Variants in CEACAM4 observed in about 807,000 individuals in gnomAD.
CEACAM4 encodes CEA cell adhesion molecule 4.
CEACAM4 carries 30 observed loss-of-function variants against 28.7 expected under a neutral mutation model. The observed-to-expected ratio is 1.05, with a 90% CI of 0.78 to 1.42. The LOEUF (loss-of-function observed/expected upper bound fraction) is 1.42, where lower values mean the gene tolerates loss of function less well. Ranked by LOEUF, CEACAM4 falls within the 40% of genes most tolerant of loss-of-function variation. CEACAM4 has a pLI of 0.00. For missense variants in CEACAM4, 330 were observed against 308.2 expected (o/e 1.07, Z -0.53); for synonymous variants, 143 against 126.5 (o/e 1.13, Z -0.87).
chr19:41,624,316 T>A (rs935675607), intron 2 of CEACAM4, among the ~76,000 whole-genome samples: 1 of 152,116 alleles, frequency 6.6e-6, no homozygotes, highest in Non-Finnish European at 1.5e-5. Context: ...CCCTGGCTGG[T>A]GCAGGGTGTG....
chr19:41,625,396 A>G (rs926836788), intron 2 of CEACAM4, among the ~76,000 whole-genome samples: 2 of 150,716 alleles, frequency 1.3e-5, no homozygotes, highest in Admixed American at 6.6e-5. Flanking sequence ...CGCCCCCGCC[A>G]TCAGTGTCTG....
chr19:41,621,409 T>C (rs115828195), intron 3 of CEACAM4, among the ~76,000 whole-genome samples: 2,163 of 144,678 alleles, frequency 0.015, 53 homozygotes, highest in African/African-American at 0.051. Context: ...TCCAGGCAGC[T>C]GTGGCTTTGC....
At chr19:41,618,897 G>A (rs189752557), downstream of CEACAM4, 45 of 170,212 alleles carry the variant, frequency 2.6e-4, no homozygotes, top group East Asian at 6.4e-3. Context: ...GCCTCCCAGG[G>A]AAGAGAGACT....
At chr19:41,621,034 C>T (rs1555801233) in intron 3 of CEACAM4, among the ~76,000 whole-genome samples, 5 of 152,068 alleles carry the variant, frequency 3.3e-5, no homozygotes. Context: ...ATCATATTCT[C>T]CCAGAACTCA....
intron 2 of CEACAM4, among the ~76,000 whole-genome samples, chr19:41,623,632 G>A (rs1251452708): frequency 6.6e-6 from 1 of 151,682 alleles, no homozygotes; most frequent in Admixed American, 6.6e-5. Flanking sequence ...CTCTCCTTTA[G>A]GTGGGACATG....
At chr19:41,624,894 C>G (rs73931738) in intron 2 of CEACAM4, among the ~76,000 whole-genome samples, 1,566 of 152,276 alleles carry the variant, frequency 0.01, 26 homozygotes, top group African/African-American at 0.036. Context: ...TGGGAGAGCA[C>G]CCCTGGGCAT....
chr19:41,623,306 C>T (rs562750559), intron 2 of CEACAM4, among the ~76,000 whole-genome samples: 4 of 152,254 alleles, frequency 2.6e-5, no homozygotes, highest in Admixed American at 6.5e-5. Flanking sequence ...CATGAGCCAC[C>T]GCTCCTGGCC....
At chr19:41,622,859 TAGATAGATAG>T (rs2071387249) in intron 2 of CEACAM4, among the ~76,000 whole-genome samples, 7 of 147,200 alleles carry the variant, frequency 4.8e-5, no homozygotes, top group African/African-American at 1.8e-4. Context: ...TATATATAGA[TAGATAGATAG>T]ATAGATAGAT....
intron 5 of CEACAM4, among the ~76,000 whole-genome samples, chr19:41,619,949 G>C (rs1469830961): frequency 6.6e-6 from 1 of 152,172 alleles, no homozygotes; most frequent in Non-Finnish European, 1.5e-5. Flanking sequence ...GCCTCTGACT[G>C]ATGGTCCCAG....
downstream of CEACAM4, among the ~76,000 whole-genome samples, chr19:41,617,568 C>T (rs1393601273): frequency 2.0e-5 from 3 of 152,142 alleles, no homozygotes; most frequent in East Asian, 1.9e-4. Flanking sequence ...ATCCCAGGTG[C>T]GTCCAAAATA....
At chr19:41,613,457 T>A in the CEACAM4 span, among the ~76,000 whole-genome samples, 2 of 151,994 alleles carry the variant, frequency 1.3e-5, no homozygotes, top group African/African-American at 4.8e-5. Flanking sequence ...TAAAGATTTA[T>A]TACTTACAGG....
chr19:41,621,849 A>T, intron 2 of CEACAM4, 81 bp from the exon 3 acceptor site: 1 of 791,700 alleles, frequency 1.3e-6, no homozygotes, highest in Non-Finnish European at 2.2e-6. Flanking sequence ...GGGCAGGGGC[A>T]TAGTCAGGGA....
At chr19:41,623,381 G>A (rs1167768239) in intron 2 of CEACAM4, among the ~76,000 whole-genome samples, 1 of 148,524 alleles carries the variant, frequency 6.7e-6, no homozygotes, top group African/African-American at 2.5e-5. Context: ...TGCCACATCT[G>A]CATCTGGTTC....
In CEACAM4 at chr19:41,619,026, G is replaced by T. The variant is rs782331364; in HGVS notation, c.*304C>A. 8 of 405,822 alleles carry T rather than the reference G, an allele frequency of 2.0e-5. No homozygotes were observed. The highest frequency in any genetic ancestry group is 3.5e-5 in the Non-Finnish European group (8 of 229,760). The allele number at this position is 405,822 out of a possible 1,614,324, so 25.1% of individuals were successfully genotyped here. A position where few individuals can be genotyped will look rare whatever the true frequency, so the allele number is the denominator to read the frequency against. On this transcript the variant is annotated 3_prime_UTR_variant, in exon 7 of 7. Coordinates refer to ENST00000221954, the MANE Select transcript of CEACAM4 (RefSeq NM_001817.4). ...AGAAAAAGAGCCAATGAGAGGAAGG[G>T]TCCTCTTTATTCAGATCCTTTCCTG... is the stretch of plus-strand genomic sequence containing the variant.
At chr19:41,622,289 G>C (rs2071339301) in intron 2 of CEACAM4, among the ~76,000 whole-genome samples, 1 of 152,068 alleles carries the variant, frequency 6.6e-6, no homozygotes, top group Admixed American at 6.5e-5. Context: ...TGTTGTCCAG[G>C]CTGGTCTTGA....
intron 2 of CEACAM4, among the ~76,000 whole-genome samples, chr19:41,622,661 C>G (rs2071362720): frequency 6.6e-6 from 1 of 152,160 alleles, no homozygotes. Context: ...CAAATTTTTA[C>G]TGCATTGTTC....
chr19:41,616,335 G>A (rs894964077), downstream of CEACAM4, among the ~76,000 whole-genome samples: 11 of 152,152 alleles, frequency 7.2e-5, no homozygotes, highest in African/African-American at 2.7e-4. Context: ...CTCGGCCGCG[G>A]TGTGGATTCT....
Position 41,625,905 on chromosome 19 carries a change from G to T in CEACAM4, c.120C>A (p.Ala40=). The T allele has an allele frequency of 6.2e-7, 1 of 1,613,522 alleles. No individual in the cohort carries two copies. Among genetic ancestry groups the T allele is most frequent in the Non-Finnish European group, 8.5e-7 (1 of 1,179,644 alleles). Residue 40 remains alanine, a synonymous_variant, in exon 2 of 7, where the codon GCC becomes GCA. Coordinates refer to ENST00000221954, the MANE Select transcript of CEACAM4 (RefSeq NM_001817.4). ...PPTTVQFTIE[A]LPSSAAEGKD... is the part of the protein sequence containing the mutation. ...TTCCCTCTGCAGCACTGGACGGCAGGGCTTCAATAGTGAACTGGACAGTGG... is the reference window on the plus strand; with the variant it reads ...TTCCCTCTGCAGCACTGGACGGCAGTGCTTCAATAGTGAACTGGACAGTGG...
chr19:41,619,057 C>T lies in CEACAM4; in HGVS notation c.*273G>A. 4.2e-6 allele frequency: 2 copies of T among 479,414 alleles called. No individual in the cohort carries two copies. Among genetic ancestry groups the T allele is most frequent in the Middle Eastern group, 5.4e-4 (1 of 1,868 alleles). The allele number at this position is 479,414 out of a possible 1,614,324, so 29.7% of individuals were successfully genotyped here. ...TTTATTCAGATCCTTTCCTGGTGAC[C>T]CCGGGTGGGCCACAGGCCCATTCAC... On this transcript the variant is annotated 3_prime_UTR_variant, in exon 7 of 7. Coordinates refer to ENST00000221954, the MANE Select transcript of CEACAM4 (RefSeq NM_001817.4).
Sources: allele counts gnomAD v4.1 joint callset (sites outside exome capture counted in the v4.1 genomes callset), GRCh38; gene constraint gnomAD v4.1.1; transcripts MANE v1.5; gene names NCBI Gene and HGNC (gene_info 2026-07-23, HGNC 2026-07-21).